CADPS: variants seen among roughly 807,000 people sequenced by gnomAD.
CADPS encodes calcium dependent secretion activator.
Under a neutral mutation model 167.3 loss-of-function variants are expected in CADPS, and 57 were observed. That is an observed-to-expected ratio of 0.34 (90% CI 0.28 to 0.42). The LOEUF (loss-of-function observed/expected upper bound fraction) is 0.42. CADPS is among the 20% of genes least tolerant of loss of function. The pLI is 1.00. For synonymous variants in CADPS, 676 were observed against 635.3 expected, an observed-to-expected ratio of 1.06 and a Z score of -0.96; for missense variants, 1,414 against 1,738.1, an observed-to-expected ratio of 0.81 and a Z score of 3.32.
chr3:62,623,035 GA>G (rs1194301667), intron 6 of CADPS, among the ~76,000 whole-genome samples: 3 of 152,164 alleles, frequency 2.0e-5, no homozygotes, highest in African/African-American at 7.2e-5. Flanking sequence ...ATGTAATTTT[GA>G]AATGCACCTT....
chr3:62,558,696 G>A (rs1367571875), intron 9 of CADPS, among the ~76,000 whole-genome samples: 2 of 152,200 alleles, frequency 1.3e-5, no homozygotes, highest in Admixed American at 6.5e-5. Flanking sequence ...GTGGAGAGAT[G>A]AAGGGTGTCC....
chr3:62,852,434 A>G (rs1577341343), intron 1 of CADPS, among the ~76,000 whole-genome samples: 1 of 151,796 alleles, frequency 6.6e-6, no homozygotes, highest in East Asian at 1.9e-4. Flanking sequence ...CCCCATCAGC[A>G]TTTTCTTTGA....
chr3:62,874,658 G>A lies in CADPS; in HGVS notation c.372C>T (p.Phe124=), dbSNP rs1407113978. Residue 124 remains phenylalanine (F), a synonymous_variant, in exon 1 of 30, where the codon TTC becomes TTT. Coordinates refer to ENST00000383710, the MANE Select transcript of CADPS (RefSeq NM_003716.4). The surrounding 1 kb of genome is among the most constrained non-coding windows in gnomAD (Gnocchi z 7.1). ...ERKKRLQLYV[F]VMRCIAYPFN... is the part of the protein sequence containing the mutation. ...AGGGGTAGGCGATGCAGCGCATCAC[G>A]AACACATACAGCTGCAGCCTCTTCT... The A allele has an allele frequency of 1.3e-6, 2 of 1,558,802 alleles. No individual in the cohort carries two copies. The highest frequency in any genetic ancestry group is 2.4e-5 in the East Asian group (1 of 41,724).
At chr3:62,692,496 C>A (rs1309126440) in intron 3 of CADPS, among the ~76,000 whole-genome samples, 1 of 152,078 alleles carries the variant, frequency 6.6e-6, no homozygotes, top group Non-Finnish European at 1.5e-5. Context: ...AGGAGGTAAA[C>A]CTATTTGTTG....
At chr3:62,656,333 T>A (rs1288312279) in intron 4 of CADPS, among the ~76,000 whole-genome samples, 1 of 152,200 alleles carries the variant, frequency 6.6e-6, no homozygotes, top group East Asian at 1.9e-4. Context: ...AAACTTTACA[T>A]GCTTTATTTT....
rs554126590 is a variant in CADPS at position 62,844,100 on chromosome 3, T to C, written c.441+30489A>G. On this transcript the variant is annotated intron_variant, in intron 1 of 29. Transcript: ENST00000383710. ...TTATTGTTATGCTGTTTAAAAATGG[T>C]CTTTTGTTGAGCCTCTACCACCAAT... Among the ~76,000 whole-genome samples the C allele has an allele frequency of 2.0e-5, 3 of 152,282 alleles. No homozygotes were observed. The East Asian group carries it at 5.8e-4, about 29-fold the overall frequency.
At chr3:62,838,599 T>A (rs2076223932) in intron 1 of CADPS, among the ~76,000 whole-genome samples, 1 of 152,184 alleles carries the variant, frequency 6.6e-6, no homozygotes, top group South Asian at 2.1e-4. Flanking sequence ...CAAATTCAAA[T>A]CCTGACTTTG....
At chr3:62,685,682 C>CG (rs1216912611) in intron 3 of CADPS, among the ~76,000 whole-genome samples, 25 of 67,710 alleles carry the variant, frequency 3.7e-4, no homozygotes, top group South Asian at 9.6e-4. Flanking sequence ...ATTTTTTCAT[C>CG]GGGGGGGTGG....
At chr3:62,447,664 C>A (rs751320479) in intron 26 of CADPS, among the ~76,000 whole-genome samples, 1 of 152,252 alleles carries the variant, frequency 6.6e-6, no homozygotes, top group African/African-American at 2.4e-5. Context: ...CAAGGAGCCA[C>A]GTCACTGATC....
intron 13 of CADPS, among the ~76,000 whole-genome samples, chr3:62,528,031 T>A (rs2072731134): frequency 6.6e-6 from 1 of 152,162 alleles, no homozygotes; most frequent in Non-Finnish European, 1.5e-5. Context: ...TAAATTCTGG[T>A]TTTCCCCACA....
chr3:62,532,377 G>C (rs554527757), intron 13 of CADPS, among the ~76,000 whole-genome samples: 57 of 152,270 alleles, frequency 3.7e-4, no homozygotes, highest in African/African-American at 1.2e-3. Flanking sequence ...TACTAAATGT[G>C]TATCAGAGTG....
intron 1 of CADPS, among the ~76,000 whole-genome samples, chr3:62,768,090 T>C (rs961985956): frequency 6.6e-6 from 1 of 152,194 alleles, no homozygotes; most frequent in Non-Finnish European, 1.5e-5. Context: ...TTTCCTGCTC[T>C]GACCCATGGA....
intron 28 of CADPS, among the ~76,000 whole-genome samples, chr3:62,416,089 C>T (rs1013055733): frequency 6.6e-6 from 1 of 152,090 alleles, no homozygotes; most frequent in Non-Finnish European, 1.5e-5. Context: ...TATTTAATGT[C>T]AGAAATACCC....
chr3:62,435,768 G>T lies in CADPS; in HGVS notation c.3777+2336C>A, dbSNP rs530422364. On this transcript the variant is annotated intron_variant, in intron 28 of 29. Coordinates refer to ENST00000383710, the MANE Select transcript of CADPS (RefSeq NM_003716.4). ...CTCAGGAGGGTATAACTAAGACTCC[G>T]TTGGGAAAACCAAATTGGGACAACA... is the stretch of plus-strand genomic sequence containing the variant. Among the ~76,000 whole-genome samples the T allele has an allele frequency of 2.6e-5, 4 of 152,008 alleles. No individual in the cohort carries two copies. In the South Asian group the frequency reaches 6.3e-4, roughly 24 times the overall value.
rs181086511 is a variant in CADPS at position 62,817,315 on chromosome 3, G to A, written c.442-51331C>T. On this transcript the variant is annotated intron_variant, in intron 1 of 29. Coordinates refer to ENST00000383710, the MANE Select transcript of CADPS (RefSeq NM_003716.4). ...TTTTTGCTGAATGATGGTGAGCATC[G>A]CAAATCAATTTCAGCACACTTTCCT... Among the ~76,000 whole-genome samples the A allele has an allele frequency of 6.6e-5, 10 of 152,216 alleles. No homozygotes were observed. In the East Asian group the frequency reaches 1.4e-3, roughly 21 times the overall value.
Position 62,465,596 on chromosome 3 carries a change from A to C in CADPS, c.3553-146T>G. The C allele has an allele frequency of 1.9e-6, 1 of 539,610 alleles. No homozygotes were observed. The highest frequency in any genetic ancestry group is 3.3e-6 in the Non-Finnish European group (1 of 301,790). The allele number at this position is 539,610 out of a possible 1,614,324, so 33.4% of individuals were successfully genotyped here. On this transcript the variant is annotated intron_variant, in intron 25 of 29. Transcript: ENST00000383710. This position sits in a 1 kb window ranked among gnomAD's most constrained non-coding sequence, Gnocchi z 4.1. ...ATTATTTGATTCCCGCCTTCGGAGA[A>C]AGGAATAGACTGCCTTTACATAGAA...
intron 6 of CADPS, among the ~76,000 whole-genome samples, chr3:62,600,955 A>G (rs1043335514): frequency 5.9e-5 from 9 of 152,104 alleles, no homozygotes; most frequent in Non-Finnish European, 1.3e-4. Context: ...CCAGTCTCTT[A>G]AAAAAATAGA....
intron 1 of CADPS, among the ~76,000 whole-genome samples, chr3:62,766,983 C>T (rs1174397147): frequency 3.9e-5 from 6 of 152,142 alleles, no homozygotes; most frequent in South Asian, 4.1e-4. Context: ...ATGTGCCAGA[C>T]ACTCAGGGCT....
chr3:62,645,883 G>C, intron 5 of CADPS, 40 bp from the exon 6 acceptor site: 1 of 1,610,304 alleles, frequency 6.2e-7, no homozygotes, highest in Non-Finnish European at 8.5e-7. Context: ...TATTGGCAAG[G>C]CCCCTGGCAG....
Sources: allele counts gnomAD v4.1 joint callset (sites outside exome capture counted in the v4.1 genomes callset), GRCh38; gene constraint gnomAD v4.1.1; non-coding constraint Gnocchi (gnomAD v3.1); transcripts MANE v1.5; gene names NCBI Gene and HGNC (gene_info 2026-07-23, HGNC 2026-07-21).